The following FGF18 variants were observed in gnomAD, a reference collection of about 807,000 sequenced individuals.
FGF18 encodes fibroblast growth factor 18.
FGF18 carries 5 observed loss-of-function variants against 23.0 expected under a neutral mutation model. That is an observed-to-expected ratio of 0.22 (90% CI 0.11 to 0.46). The LOEUF (loss-of-function observed/expected upper bound fraction) is 0.46. Among genes scored for constraint, FGF18 ranks in the 20% least tolerant of loss-of-function variants. FGF18 has a pLI of 0.99. For synonymous variants in FGF18, 117 were observed against 118.9 expected (o/e 0.98, Z 0.10); for missense variants, 180 against 291.6 (o/e 0.62, Z 2.79).
chr5:171,420,216 C>T lies in FGF18; in HGVS notation c.17C>T (p.Ser6Phe). MYSAP[S>F]ACTCLCLHFL... ...CGCCCAGCGATGTATTCAGCGCCCT[C>T]CGCCTGCACTTGCCTGTAAGCGCCC... Residue 6 changes from serine to phenylalanine, a missense_variant, in exon 1 of 5, where the codon TCC becomes TTC. Coordinates refer to ENST00000274625, the MANE Select transcript of FGF18 (RefSeq NM_003862.3). The T allele has an allele frequency of 4.5e-6, 7 of 1,560,852 alleles. No individual in the cohort carries two copies. The highest frequency in any genetic ancestry group is 6.1e-6 in the Non-Finnish European group (7 of 1,157,000).
chr5:171,429,224 A>G (rs760799169), intron 2 of FGF18, among the ~76,000 whole-genome samples: 2 of 152,224 alleles, frequency 1.3e-5, no homozygotes, highest in African/African-American at 2.4e-5. Flanking sequence ...CTTCAGATCC[A>G]GAGATGGGTT....
chr5:171,439,581 C>T (rs1325464255), intron 3 of FGF18, among the ~76,000 whole-genome samples: 3 of 152,210 alleles, frequency 2.0e-5, no homozygotes, highest in Non-Finnish European at 4.4e-5. Flanking sequence ...GTTCCAGCTG[C>T]AGCTCTGCCA....
chr5:171,431,923 C>T (rs1772187455), intron 2 of FGF18, among the ~76,000 whole-genome samples: 1 of 152,102 alleles, frequency 6.6e-6, no homozygotes, highest in Admixed American at 6.5e-5. Context: ...TGGTGGGCAC[C>T]TGTAATCCCA....
At chr5:171,453,078 ACT>A (rs1772538479) in intron 4 of FGF18, among the ~76,000 whole-genome samples, 1 of 152,016 alleles carries the variant, frequency 6.6e-6, no homozygotes, top group Non-Finnish European at 1.5e-5. Flanking sequence ...ATATTCACTT[ACT>A]CTCTACATAC....
intron 2 of FGF18, 127 bp downstream of exon 2, chr5:171,420,570 C>T (rs1771989291): frequency 1.5e-5 from 14 of 915,676 alleles, no homozygotes; most frequent in Non-Finnish European, 1.9e-5. Flanking sequence ...TGCACCTGTT[C>T]CCAGGGCGCG....
intron 4 of FGF18, among the ~76,000 whole-genome samples, chr5:171,450,970 G>A (rs999725750): frequency 2.6e-5 from 4 of 152,068 alleles, no homozygotes; most frequent in East Asian, 1.9e-4. Context: ...GCCCGCCCTC[G>A]CCGTCTGCGT....
At chr5:171,448,073 T>A (rs1308163894) in intron 3 of FGF18, among the ~76,000 whole-genome samples, 1 of 151,290 alleles carries the variant, frequency 6.6e-6, no homozygotes, top group African/African-American at 2.4e-5. Flanking sequence ...GCTGGTGGAG[T>A]GAGAGGAAAA....
At chr5:171,432,869 C>T (rs1389691928) in intron 2 of FGF18, among the ~76,000 whole-genome samples, 3 of 152,214 alleles carry the variant, frequency 2.0e-5, no homozygotes, top group East Asian at 1.9e-4. Context: ...TTTTGGCATG[C>T]GTTTGCTGGT....
chr5:171,420,238 G>C lies in FGF18; in HGVS notation c.32+7G>C, dbSNP rs188805098. 6.3e-7 allele frequency: 1 copy of C among 1,578,476 alleles called. No homozygotes were observed. Among genetic ancestry groups the C allele is most frequent in the Non-Finnish European group, 8.6e-7 (1 of 1,165,296 alleles). Reference sequence around the variant, plus strand: ...CCTCCGCCTGCACTTGCCTGTAAGCGCCCGCGCGCGGGGCTGCCCACCTTG... The same window carrying C: ...CCTCCGCCTGCACTTGCCTGTAAGCCCCCGCGCGCGGGGCTGCCCACCTTG... On this transcript the variant is annotated splice_region_variant and intron_variant, in intron 1 of 4. Coordinates refer to ENST00000274625, the MANE Select transcript of FGF18 (RefSeq NM_003862.3).
At chr5:171,424,637 G>A (rs1235477789) in intron 2 of FGF18, among the ~76,000 whole-genome samples, 11 of 152,208 alleles carry the variant, frequency 7.2e-5, no homozygotes, top group Non-Finnish European at 1.6e-4. Flanking sequence ...CTAGGGATCT[G>A]CAGTGAGATT....
chr5:171,435,633 T>C (rs1010450682), intron 2 of FGF18, among the ~76,000 whole-genome samples: 6 of 152,056 alleles, frequency 3.9e-5, no homozygotes, highest in Admixed American at 6.5e-5. Context: ...CAGGCCTCCT[T>C]CTTTCCCCAT....
chr5:171,442,135 T>C (rs991771573), intron 3 of FGF18, among the ~76,000 whole-genome samples: 2 of 152,174 alleles, frequency 1.3e-5, no homozygotes, highest in African/African-American at 4.8e-5. Flanking sequence ...GACACGGCTA[T>C]GCTAGAGCTA....
In FGF18 at chr5:171,421,978, G is replaced by A. The variant is rs1045252173; in HGVS notation, c.69+1535G>A. Among the ~76,000 whole-genome samples the A allele has an allele frequency of 7.2e-5, 11 of 152,106 alleles. No homozygotes were observed. The East Asian group carries it at 1.2e-3, about 16-fold the overall frequency. ...AGTCCCCAAGCAGAGGGCAGGCCCT[G>A]GGGTCACTCCAGGGGGTCTGCTTGT... On this transcript the variant is annotated intron_variant, in intron 2 of 4. Coordinates refer to ENST00000274625, the MANE Select transcript of FGF18 (RefSeq NM_003862.3).
At chr5:171,453,426 C>A (rs532838105) in intron 4 of FGF18, among the ~76,000 whole-genome samples, 1 of 152,174 alleles carries the variant, frequency 6.6e-6, no homozygotes, top group African/African-American at 2.4e-5. Context: ...CTTGTACATC[C>A]AAAACCTCGC....
chr5:171,455,261 G>A (rs943540677), intron 4 of FGF18, among the ~76,000 whole-genome samples: 4 of 152,220 alleles, frequency 2.6e-5, no homozygotes, highest in African/African-American at 4.8e-5. Flanking sequence ...CGACGGCACA[G>A]TTTGGAGTTT....
At chr5:171,445,384 A>AT (rs1772403818) in intron 3 of FGF18, among the ~76,000 whole-genome samples, 1 of 152,148 alleles carries the variant, frequency 6.6e-6, no homozygotes, top group Non-Finnish European at 1.5e-5. Flanking sequence ...TTTGAGATGG[A>AT]GTCTCACTCT....
Position 171,436,314 on chromosome 5 carries a change from A to T in FGF18, c.250+41A>T, listed in dbSNP as rs778043455. The T allele has an allele frequency of 4.9e-6, 7 of 1,415,194 alleles. No individual in the cohort carries two copies. The African/African-American group carries it at 1.0e-4, about 21-fold the overall frequency. 87.7% of individuals were successfully genotyped at this position (1,415,194 alleles called of 1,614,324 possible). On this transcript the variant is annotated intron_variant, in intron 3 of 4. Coordinates refer to ENST00000274625, the MANE Select transcript of FGF18 (RefSeq NM_003862.3). The surrounding 1 kb of genome is among the most constrained non-coding windows in gnomAD (Gnocchi z 4.4). ...CTCCTCCTACTCCGTGTACCCGTGT[A>T]CATGTCCTTCCTGGCCTCAGAGACC...
At chr5:171,445,053 A>G (rs1772399653) in intron 3 of FGF18, among the ~76,000 whole-genome samples, 1 of 152,164 alleles carries the variant, frequency 6.6e-6, no homozygotes, top group African/African-American at 2.4e-5. Context: ...AGCATTAGAC[A>G]TCATGGTCTG....
chr5:171,434,847 G>C lies in FGF18; in HGVS notation c.70-1246G>C, dbSNP rs1772224448. ...TTTTGATGGTGCTGCCAGTCTACTG[G>C]GGCCAAAAGACAAAACCCAGATAAG... is the stretch of plus-strand genomic sequence containing the variant. On this transcript the variant is annotated intron_variant, in intron 2 of 4. Coordinates refer to ENST00000274625, the MANE Select transcript of FGF18 (RefSeq NM_003862.3). The surrounding 1 kb of genome is among the most constrained non-coding windows in gnomAD (Gnocchi z 4.6). 6.6e-6 allele frequency among the ~76,000 whole-genome samples: 1 copy of C among 150,902 alleles called. No homozygotes were observed. Among genetic ancestry groups the C allele is most frequent in the African/African-American group, 2.4e-5 (1 of 40,940 alleles).
Sources: gnomAD v4.1 joint callset for allele counts (sites outside exome capture counted in the v4.1 genomes callset) on GRCh38, gnomAD v4.1.1 for gene constraint, Gnocchi (gnomAD v3.1) non-coding constraint, MANE v1.5 for transcripts, NCBI Gene and HGNC (gene_info 2026-07-23, HGNC 2026-07-21) for gene names.